The following WFDC1 variants were observed in gnomAD, a reference collection of about 807,000 sequenced individuals.
The protein encoded by WFDC1 is WAP four-disulfide core domain protein 1.
In WFDC1, 39 loss-of-function variants were observed where a neutral mutation model predicts 32.9. That is an observed-to-expected ratio of 1.19 (90% confidence interval 0.92 to 1.55). The LOEUF is 1.55. Among genes scored for constraint, WFDC1 ranks in the 40% most tolerant of loss-of-function variants. The probability of loss-of-function intolerance (pLI) is 0.00; values close to 1 mark genes in which losing one functional copy is unlikely to be tolerated. For synonymous variants in WFDC1, 184 were observed against 137.4 expected (o/e 1.34, Z -2.37); for missense variants, 386 against 309.5 (o/e 1.25, Z -1.85).
chr16:84,324,581 G>A, intron 5 of WFDC1, 121 bp downstream of exon 5: 5 of 1,135,778 alleles, frequency 4.4e-6, no homozygotes, highest in Non-Finnish European at 6.3e-6. Flanking sequence ...TGGGACCTGG[G>A]ATTAAGAAAC....
At chr16:84,316,131 G>T (rs769702403) in intron 2 of WFDC1, 1 of 152,214 alleles carries the variant, frequency 6.6e-6, no homozygotes, top group Admixed American at 6.5e-5. Flanking sequence ...ATGTGGTGGT[G>T]GAAAGGAGGG....
chr16:84,312,876 C>G, intron 1 of WFDC1, 85 bp from the exon 2 acceptor site: 2 of 855,174 alleles, frequency 2.3e-6, no homozygotes, highest in African/African-American at 1.8e-5. Flanking sequence ...AGGCCCGGCG[C>G]ACTGCCCACC....
Position 84,324,423 on chromosome 16 carries a change from G to A in WFDC1, c.567G>A (p.Gly189=), listed in dbSNP as rs1416289079. Residue 189 remains glycine (G), a synonymous_variant, in exon 5 of 7, where the codon GGG becomes GGA. Coordinates refer to ENST00000219454, the MANE Select transcript of WFDC1 (RefSeq NM_021197.4). ...QCVKQRRQAD[G]RILRHKLYKE... ...TTCCTCTCACTTGTTTTCCAGATGG[G>A]CGAATCCTACGACACAAACTTTACA... 1 of 1,613,792 alleles carries A rather than the reference G, an allele frequency of 6.2e-7. No individual in the cohort carries two copies. Among genetic ancestry groups the A allele is most frequent in the South Asian group, 1.1e-5 (1 of 90,946 alleles).
At chr16:84,306,118 C>G (rs1907241914) in intron 1 of WFDC1, among the ~76,000 whole-genome samples, 2 of 152,112 alleles carry the variant, frequency 1.3e-5, no homozygotes, top group Non-Finnish European at 2.9e-5. Context: ...CAGGTGTGGT[C>G]TCTTTTGATC....
chr16:84,305,230 A>T (rs945948641), intron 1 of WFDC1, among the ~76,000 whole-genome samples: 1 of 152,216 alleles, frequency 6.6e-6, no homozygotes. Context: ...CATGAATCAC[A>T]CAGCCCAGGC....
At chr16:84,317,324 A>G (rs991968715) in intron 2 of WFDC1, 4 of 131,062 alleles carry the variant, frequency 3.1e-5, no homozygotes, top group Non-Finnish European at 6.6e-5. Flanking sequence ...AAATAAATAA[A>G]TAAATAAATA....
At position 84,313,161 on chromosome 16, in the gene WFDC1, C is replaced by A; in HGVS notation, c.337+8C>A. On this transcript the variant is annotated splice_region_variant and intron_variant, in intron 2 of 6. Transcript: ENST00000219454. ...CTGTGCCGCCCCCGCCAGGTAGGTC[C>A]TGGGCCCGAGGGAGGGGGCTGAGGG... is the stretch of plus-strand genomic sequence containing the variant. The A allele has an allele frequency of 2.1e-6, 3 of 1,413,308 alleles. No individual in the cohort carries two copies. The highest frequency in any genetic ancestry group is 1.8e-6 in the Non-Finnish European group (2 of 1,091,516). The allele number at this position is 1,413,308 out of a possible 1,614,324, so 87.5% of individuals were successfully genotyped here. A position where few individuals can be genotyped will look rare whatever the true frequency, so the allele number is the denominator to read the frequency against.
chr16:84,311,527 CTTTTTT>C (rs35243949), intron 1 of WFDC1, among the ~76,000 whole-genome samples: 21 of 88,686 alleles, frequency 2.4e-4, no homozygotes, highest in Admixed American at 1.3e-3. Flanking sequence ...TGCGCCTGGA[CTTTTTT>C]TTTTTTTTTT....
intron 1 of WFDC1, among the ~76,000 whole-genome samples, chr16:84,300,789 C>G (rs55979645): frequency 0.043 from 6,529 of 152,076 alleles, 423 homozygotes; most frequent in African/African-American, 0.14. Context: ...GGCCAACATG[C>G]TGAAACCCTG....
At chr16:84,322,046 C>T (rs1410472429) in intron 4 of WFDC1, among the ~76,000 whole-genome samples, 1 of 152,176 alleles carries the variant, frequency 6.6e-6, no homozygotes, top group African/African-American at 2.4e-5. Context: ...CCACCATCAT[C>T]CCTGTCTTCG....
intron 2 of WFDC1, 123 bp downstream of exon 2, chr16:84,313,276 C>G (rs963080592): frequency 1.2e-6 from 1 of 858,928 alleles, no homozygotes; most frequent in Non-Finnish European, 1.5e-6. Context: ...TCGGGCGCCT[C>G]CACTGCGCAC....
intron 1 of WFDC1, among the ~76,000 whole-genome samples, chr16:84,300,346 G>C (rs970504828): frequency 2.0e-5 from 3 of 152,208 alleles, no homozygotes; most frequent in Non-Finnish European, 4.4e-5. Context: ...TTTCTCCAAG[G>C]TCCACTGGGT....
At chr16:84,327,522 G>A (rs1908673475) in intron 6 of WFDC1, 1 of 152,450 alleles carries the variant, frequency 6.6e-6, no homozygotes, top group South Asian at 2.1e-4. Flanking sequence ...ATATCCATTA[G>A]CCTATGGTAA....
intron 1 of WFDC1, among the ~76,000 whole-genome samples, chr16:84,300,429 CT>C (rs1906867133): frequency 6.6e-6 from 1 of 152,252 alleles, no homozygotes; most frequent in African/African-American, 2.4e-5. Flanking sequence ...TCCTGCCCAG[CT>C]TCCCACTCCC....
chr16:84,295,042 T>C lies in WFDC1; in HGVS notation c.71T>C (p.Leu24Pro), dbSNP rs755750737. 6.2e-7 allele frequency: 1 copy of C among 1,614,116 alleles called. No homozygotes were observed. Among genetic ancestry groups the C allele is most frequent in the Admixed American group, 1.7e-5 (1 of 60,006 alleles). The change falls in exon 1 of 7, where the codon CTT (leucine) becomes CCT (proline). Residue 24 changes from leucine (L) to proline (P), a missense_variant. Physicochemically the swap from Leu to Pro is moderately conservative, Grantham distance 98 (BLOSUM62 -3). Coordinates refer to ENST00000219454, the MANE Select transcript of WFDC1 (RefSeq NM_021197.4). ...ATCCGGGCTCTGTGCCTCTTGCTAC[T>C]TCTCCTCCACGCCGGCTCTGCCAAG... ...QIIRALCLLL[L>P]LLHAGSAKNI...
intron 1 of WFDC1, 75 bp from the exon 2 acceptor site, chr16:84,312,886 C>T (rs905061520): frequency 2.0e-5 from 19 of 959,136 alleles, no homozygotes; most frequent in Middle Eastern, 8.9e-4. Flanking sequence ...CACTGCCCAC[C>T]CCCTTGCAAG....
chr16:84,307,133 G>C (rs1907311369), intron 1 of WFDC1, among the ~76,000 whole-genome samples: 1 of 152,150 alleles, frequency 6.6e-6, no homozygotes, highest in African/African-American at 2.4e-5. Flanking sequence ...TGCTGGAAGA[G>C]AGGTCAGAGA....
chr16:84,322,966 TA>T (rs573804078), intron 4 of WFDC1, among the ~76,000 whole-genome samples: 263 of 152,306 alleles, frequency 1.7e-3, no homozygotes, highest in African/African-American at 6.0e-3. Context: ...TTTTTGGTAA[TA>T]AATTATAAGT....
intron 1 of WFDC1, among the ~76,000 whole-genome samples, chr16:84,306,579 G>A (rs539565976): frequency 6.6e-6 from 1 of 152,346 alleles, no homozygotes; most frequent in Admixed American, 6.5e-5. Flanking sequence ...GAGCATAGGA[G>A]TGTGATGATG....
Sources: gnomAD v4.1 joint callset for allele counts (sites outside exome capture counted in the v4.1 genomes callset) on GRCh38, gnomAD v4.1.1 for gene constraint, MANE v1.5 for transcripts, NCBI Gene and HGNC (gene_info 2026-07-23, HGNC 2026-07-21) for gene names.